The following CHD1L variants were observed in gnomAD, a reference collection of about 807,000 sequenced individuals.
CHD1L encodes chromodomain helicase DNA binding protein 1 like, also known as ATP-dependent chromatin remodeler CHD1L.
In CHD1L, 118 loss-of-function variants were observed where a neutral mutation model predicts 115.9. The ratio of observed to expected loss-of-function variants is 1.02; its 90% CI spans 0.88 to 1.19. The LOEUF is 1.19. Among genes scored for constraint, CHD1L ranks in the 50% most tolerant of loss-of-function variants. CHD1L has a pLI of 0.00. For synonymous variants in CHD1L, 411 were observed against 387.1 expected (o/e 1.06, Z -0.72); for missense variants, 1,179 against 1,065.3 (o/e 1.11, Z -1.49).
chr1:147,177,540 C>T, the CHD1L span, among the ~76,000 whole-genome samples: 1 of 152,116 alleles, frequency 6.6e-6, no homozygotes, highest in Non-Finnish European at 1.5e-5. Context: ...AGAACACTAC[C>T]TCAACCAGCT....
chr1:147,229,931 G>A, the CHD1L span, among the ~76,000 whole-genome samples: 1 of 151,024 alleles, frequency 6.6e-6, no homozygotes, highest in Non-Finnish European at 1.5e-5. Context: ...GGGTTTTCTA[G>A]ATATACAATC....
At chr1:147,258,676 G>C (rs1670919427) in intron 5 of CHD1L, among the ~76,000 whole-genome samples, 1 of 152,110 alleles carries the variant, frequency 6.6e-6, no homozygotes, top group Non-Finnish European at 1.5e-5. Flanking sequence ...CTGTCCTCTG[G>C]AGTTTCTCTG....
upstream of CHD1L, chr1:147,242,510 C>A: frequency 2.0e-6 from 1 of 492,998 alleles, no homozygotes; most frequent in Non-Finnish European, 3.2e-6. Context: ...CCCTTCCACG[C>A]TCCGCACTGC....
At position 147,287,727 on chromosome 1, in the gene CHD1L, A is replaced by G; in HGVS notation, c.2314A>G (p.Met772Val). The G allele has an allele frequency of 6.2e-7, 1 of 1,613,858 alleles. No homozygotes were observed. The highest frequency in any genetic ancestry group is 8.5e-7 in the Non-Finnish European group (1 of 1,179,926). The change falls in exon 19 of 23, where the codon ATG becomes GTG. Residue 772 changes from methionine to valine, a missense_variant. Coordinates refer to ENST00000369258, the MANE Select transcript of CHD1L (RefSeq NM_004284.6). ...PRKIYELAGK[M>V]KDLSLGGVLL... Reference sequence around the variant, plus strand: ...AAAAATATATGAGCTGGCTGGGAAAATGAAAGGTAAGAAGCAAAGCAGAGG... The same window carrying G: ...AAAAATATATGAGCTGGCTGGGAAAGTGAAAGGTAAGAAGCAAAGCAGAGG...
At chr1:147,204,532 A>G in the CHD1L span, 3 of 1,574,574 alleles carry the variant, frequency 1.9e-6, no homozygotes, top group Non-Finnish European at 1.7e-6. Context: ...TCTGCAAGCT[A>G]TTTCATAACC....
intron 1 of CHD1L, among the ~76,000 whole-genome samples, chr1:147,246,088 A>T (rs1488761945): frequency 6.6e-6 from 1 of 152,148 alleles, no homozygotes; most frequent in Non-Finnish European, 1.5e-5. Context: ...GGCAACCACT[A>T]ATCTGTTCTC....
the CHD1L span, chr1:147,179,139 C>G: frequency 6.2e-7 from 1 of 1,613,950 alleles, no homozygotes; most frequent in African/African-American, 1.3e-5. Flanking sequence ...AGGAGGATTT[C>G]TCGCGTGATG....
chr1:147,233,409 C>T, the CHD1L span, among the ~76,000 whole-genome samples: 1 of 147,672 alleles, frequency 6.8e-6, no homozygotes, highest in African/African-American at 2.5e-5. Context: ...GCCGCCCCGT[C>T]CGGGAGGGAG....
At chr1:147,197,583 A>G in the CHD1L span, among the ~76,000 whole-genome samples, 1 of 151,960 alleles carries the variant, frequency 6.6e-6, no homozygotes, top group African/African-American at 2.4e-5. Context: ...ACGAGATCTG[A>G]TGGTTTTATA....
upstream of CHD1L, among the ~76,000 whole-genome samples, chr1:147,240,802 T>C (rs1664778213): frequency 6.6e-6 from 1 of 152,110 alleles, no homozygotes; most frequent in African/African-American, 2.4e-5. Context: ...AGACATTTGT[T>C]CACATGTTTT....
the CHD1L span, among the ~76,000 whole-genome samples, chr1:147,206,808 ATG>A: frequency 1.4e-4 from 4 of 29,052 alleles, no homozygotes; most frequent in African/African-American, 3.5e-3. Flanking sequence ...GATATATCTG[ATG>A]TAAATGACAA....
chr1:147,220,207 C>T, the CHD1L span, among the ~76,000 whole-genome samples: 2 of 152,052 alleles, frequency 1.3e-5, no homozygotes, highest in African/African-American at 4.8e-5. Context: ...TATAGTAATA[C>T]CCCTGAAATT....
chr1:147,284,317 C>G (rs782583574), intron 15 of CHD1L, 34 bp from the exon 16 acceptor site: 18 of 1,498,364 alleles, frequency 1.2e-5, no homozygotes, highest in Non-Finnish European at 1.4e-5. Context: ...TCCTTGGTAT[C>G]TAACATTTCT....
chr1:147,241,834 GAAT>G (rs1177377851), upstream of CHD1L, among the ~76,000 whole-genome samples: 1 of 152,072 alleles, frequency 6.6e-6, no homozygotes, highest in African/African-American at 2.4e-5. Flanking sequence ...ATTAGCCAGA[GAAT>G]AATATCGTTC....
the CHD1L span, chr1:147,203,215 C>T: frequency 2.2e-3 from 1,934 of 899,284 alleles, 2 homozygotes; most frequent in Non-Finnish European, 2.9e-3. Flanking sequence ...AAACATCACG[C>T]GATTCTTAGA....
chr1:147,284,567 A>G, intron 16 of CHD1L, 68 bp downstream of exon 16: 1 of 1,383,324 alleles, frequency 7.2e-7, no homozygotes, highest in Non-Finnish European at 9.7e-7. Flanking sequence ...CAAAAAAATG[A>G]TGCTGGCATC....
chr1:147,217,329 G>A, the CHD1L span, among the ~76,000 whole-genome samples: 1 of 151,530 alleles, frequency 6.6e-6, no homozygotes, highest in Non-Finnish European at 1.5e-5. Flanking sequence ...ATGCAATGAT[G>A]CAATCTACCC....
chr1:147,264,429 T>C lies in CHD1L; in HGVS notation c.584T>C (p.Val195Ala). ...LLHKTLSEFS[V>A]VFSLLLTGTP... ...TTTATTTATGTATTTGAGTTCTCAG[T>C]AGTCTTCAGTCTCCTGTTGACCGGA... The change falls in exon 7 of 23, where the codon GTA becomes GCA. Residue 195 changes from valine (V) to alanine (A), a missense_variant. Val to Ala is a moderately conservative substitution (Grantham distance 64, BLOSUM62 0). Transcript: ENST00000369258. 2 of 1,606,206 alleles carry C rather than the reference T, an allele frequency of 1.2e-6. No individual in the cohort carries two copies. The highest frequency in any genetic ancestry group is 1.7e-6 in the Non-Finnish European group (2 of 1,175,826).
chr1:147,254,766 A>G, intron 2 of CHD1L, 104 bp from the exon 3 acceptor site: 1 of 660,180 alleles, frequency 1.5e-6, no homozygotes, highest in East Asian at 2.8e-5. Context: ...TTGTAAAACA[A>G]GTCTTAAACA....
Sources: allele counts gnomAD v4.1 joint callset (sites outside exome capture counted in the v4.1 genomes callset), GRCh38; gene constraint gnomAD v4.1.1; transcripts MANE v1.5; gene names NCBI Gene and HGNC (gene_info 2026-07-23, HGNC 2026-07-21).